The following DOCK1 variants were observed in gnomAD, a reference collection of about 807,000 sequenced individuals.
DOCK1 encodes the protein dedicator of cytokinesis protein 1.
In DOCK1, 138 loss-of-function variants were observed where a neutral mutation model predicts 262.7. That is an observed-to-expected ratio of 0.53 (90% CI 0.46 to 0.61). DOCK1 has a LOEUF of 0.61. DOCK1 is among the 20% of genes least tolerant of loss of function. DOCK1 has a pLI of 0.00. For missense variants in DOCK1, 1,908 were observed against 2,370.7 expected, an observed-to-expected ratio of 0.80 and a Z score of 4.05; for synonymous variants, 866 against 867.4, an observed-to-expected ratio of 1.00 and a Z score of 0.03.
At chr10:126,912,818 C>G (rs1003562288) in intron 1 of DOCK1, among the ~76,000 whole-genome samples, 1 of 151,932 alleles carries the variant, frequency 6.6e-6, no homozygotes, top group African/African-American at 2.4e-5. Context: ...TTAGTCACCT[C>G]TTTAAATTCC....
intron 27 of DOCK1, among the ~76,000 whole-genome samples, chr10:127,208,007 A>G (rs916080677): frequency 6.6e-6 from 1 of 152,224 alleles, no homozygotes; most frequent in Admixed American, 6.5e-5. Context: ...GCTAGATTGT[A>G]GGCTCACCCG....
chr10:127,302,594 A>G (rs1232300096), intron 29 of DOCK1, among the ~76,000 whole-genome samples: 1 of 152,212 alleles, frequency 6.6e-6, no homozygotes, highest in South Asian at 2.1e-4. Flanking sequence ...TAGCTCAGGA[A>G]GTAGAGTGCT....
At chr10:127,449,228 C>T (rs562625627) in intron 51 of DOCK1, among the ~76,000 whole-genome samples, 36 of 152,238 alleles carry the variant, frequency 2.4e-4, no homozygotes, top group African/African-American at 7.0e-4. Context: ...AAAGGAGATT[C>T]GGGGGGGTCT....
At chr10:127,110,976 T>G (rs1427382647) in intron 25 of DOCK1, among the ~76,000 whole-genome samples, 1 of 152,228 alleles carries the variant, frequency 6.6e-6, no homozygotes, top group Non-Finnish European at 1.5e-5. Flanking sequence ...ACTTCCTCAT[T>G]TATTGGAGGC....
At chr10:126,935,327 C>G (rs2034494310) in intron 1 of DOCK1, among the ~76,000 whole-genome samples, 1 of 152,178 alleles carries the variant, frequency 6.6e-6, no homozygotes, top group Admixed American at 6.5e-5. Flanking sequence ...TGTGCAGCCC[C>G]CTGCAGTAGG....
In DOCK1 at chr10:127,124,410, G is replaced by A. The variant is rs1018142853; in HGVS notation, c.2624-1064G>A. The stretch of plus-strand genomic sequence containing the variant: ...AGTGTCAAAACACAGAACTGGTGTT[G>A]TAAATAGATAGTCCATGCTGGAGAG... On this transcript the variant is annotated intron_variant, in intron 25 of 51. Transcript: ENST00000623213. Among the ~76,000 whole-genome samples, 6 of 152,330 alleles carry A rather than the reference G, an allele frequency of 3.9e-5. No homozygotes were observed. The East Asian group carries it at 5.8e-4, about 15-fold the overall frequency.
Position 127,323,832 on chromosome 10 carries a change from T to C in DOCK1, c.3045-15174T>C, listed in dbSNP as rs575192451. ...TCAATGCGAGCCCCCTTCTCCTTCA[T>C]GGGAAGAACAGGAAGCCTGCTCCTC... On this transcript the variant is annotated intron_variant, in intron 29 of 51. Coordinates refer to ENST00000623213, the MANE Select transcript of DOCK1 (RefSeq NM_001290223.2). Among the ~76,000 whole-genome samples, 14 of 152,326 alleles carry C rather than the reference T, an allele frequency of 9.2e-5. No individual in the cohort carries two copies. In the South Asian group the frequency reaches 2.5e-3, roughly 27 times the overall value.
intron 27 of DOCK1, among the ~76,000 whole-genome samples, chr10:127,199,240 T>C (rs1225685318): frequency 1.3e-5 from 2 of 152,138 alleles, no homozygotes; most frequent in Non-Finnish European, 2.9e-5. Flanking sequence ...GACGGCTAAC[T>C]AAGCAAAATA....
intron 35 of DOCK1, among the ~76,000 whole-genome samples, chr10:127,374,501 G>A (rs2065377565): frequency 2.6e-5 from 4 of 152,082 alleles, no homozygotes; most frequent in Admixed American, 6.5e-5. Flanking sequence ...CATGGATTAC[G>A]GCCTTAAGGC....
Position 127,052,810 on chromosome 10 carries a change from C to G in DOCK1, c.2331C>G (p.Phe777Leu). The G allele has an allele frequency of 6.2e-7, 1 of 1,611,486 alleles. No homozygotes were observed. The highest frequency in any genetic ancestry group is 8.5e-7 in the Non-Finnish European group (1 of 1,178,588). Reference sequence around the variant, plus strand: ...TCATCGTGCGCTCCAGGATCCTGTTCAATCAGTGCGTACCTATCCCCTCCA... The same window carrying G: ...TCATCGTGCGCTCCAGGATCCTGTTGAATCAGTGCGTACCTATCCCCTCCA... The part of the protein sequence containing the change: ...FKFIVRSRIL[F>L]NQLYENKGEA... Residue 777 changes from phenylalanine (F) to leucine (L), a missense_variant, in exon 22 of 52, where the codon TTC becomes TTG. Around this residue, in one of 9 missense-constraint regions of DOCK1, gnomAD observed 518 missense variants for 575.1 expected, o/e 0.90. Transcript: ENST00000623213.
chr10:127,007,413 G>A (rs976713486), intron 10 of DOCK1: 34 of 152,188 alleles, frequency 2.2e-4, no homozygotes, highest in African/African-American at 8.0e-4. Flanking sequence ...CCTCTTACCT[G>A]AACGCAGAGC....
intron 29 of DOCK1, among the ~76,000 whole-genome samples, chr10:127,272,841 T>C (rs889987346): frequency 1.3e-5 from 2 of 152,230 alleles, no homozygotes; most frequent in Non-Finnish European, 2.9e-5. Flanking sequence ...AGAGAGCTTG[T>C]GCATGGAAAC....
intron 23 of DOCK1, among the ~76,000 whole-genome samples, chr10:127,098,095 C>T (rs975534456): frequency 1.4e-4 from 22 of 152,346 alleles, no homozygotes; most frequent in Middle Eastern, 3.4e-3. Context: ...TGGGAGGCAC[C>T]GTGGAGCAGA....
intron 18 of DOCK1, among the ~76,000 whole-genome samples, chr10:127,035,214 A>T (rs138683498): frequency 1.6e-4 from 25 of 152,258 alleles, no homozygotes; most frequent in African/African-American, 6.0e-4. Flanking sequence ...TGAAACCATG[A>T]TTTGTTCCTG....
At chr10:127,291,309 G>C (rs2061338271) in intron 29 of DOCK1, among the ~76,000 whole-genome samples, 1 of 152,184 alleles carries the variant, frequency 6.6e-6, no homozygotes, top group Non-Finnish European at 1.5e-5. Context: ...CTTCCTGCAT[G>C]CCCTGTCCCC....
intron 11 of DOCK1, among the ~76,000 whole-genome samples, chr10:127,009,860 G>A (rs1346371533): frequency 1.3e-5 from 2 of 152,196 alleles, no homozygotes; most frequent in Non-Finnish European, 2.9e-5. Flanking sequence ...ATGGACCACC[G>A]CGCTCAACCC....
At chr10:126,966,089 G>A (rs2037654173) in intron 1 of DOCK1, among the ~76,000 whole-genome samples, 2 of 151,862 alleles carry the variant, frequency 1.3e-5, no homozygotes, top group African/African-American at 2.4e-5. Context: ...AGTTTTTTTA[G>A]CTTCCACCTA....
chr10:127,445,132 A>G (rs1285174403), intron 50 of DOCK1, among the ~76,000 whole-genome samples: 1 of 152,118 alleles, frequency 6.6e-6, no homozygotes, highest in East Asian at 1.9e-4. Context: ...ACTCTACTCA[A>G]CTTACTCTAA....
chr10:127,249,541 C>A (rs2059555234), intron 28 of DOCK1, among the ~76,000 whole-genome samples: 1 of 152,042 alleles, frequency 6.6e-6, no homozygotes, highest in Admixed American at 6.5e-5. Context: ...ATAGTGTGTA[C>A]CCTTACTTAA....
Sources: gnomAD v4.1 joint callset for allele counts (sites outside exome capture counted in the v4.1 genomes callset) on GRCh38, gnomAD v4.1.1 for gene constraint, gnomAD v4.1.1 regional missense constraint, MANE v1.5 for transcripts, NCBI Gene and HGNC (gene_info 2026-07-23, HGNC 2026-07-21) for gene names.